Variants in OCM observed in about 807,000 individuals in gnomAD.
The protein encoded by OCM is oncomodulin-1.
A neutral mutation model predicts 14.1 loss-of-function variants in OCM; 18 were observed. That is an observed-to-expected ratio of 1.28 (90% CI 0.88 to 1.89). The LOEUF (loss-of-function observed/expected upper bound fraction) is 1.89, where lower values mean the gene tolerates loss of function less well. Among genes scored for constraint, OCM ranks in the 40% most tolerant of loss-of-function variants. The pLI is 0.00. For synonymous variants in OCM, 48 were observed against 51.0 expected, an observed-to-expected ratio of 0.94 and a Z score of 0.25; for missense variants, 140 against 137.6, an observed-to-expected ratio of 1.02 and a Z score of -0.09.
chr7:5,882,143 T>G (rs1349253724), intron 1 of OCM, among the ~76,000 whole-genome samples: 1 of 147,136 alleles, frequency 6.8e-6, no homozygotes, highest in African/African-American at 2.5e-5. Context: ...TTTAGCCTGT[T>G]GAAATCCAGT....
chr7:5,879,570 A>G (rs1418877360), upstream of OCM, among the ~76,000 whole-genome samples: 1 of 152,036 alleles, frequency 6.6e-6, no homozygotes, highest in Admixed American at 6.6e-5. Context: ...AGCACCCTGT[A>G]TGTGTTTGTC....
Position 5,884,019 on chromosome 7 carries a change from T to A in OCM, c.304+20T>A, listed in dbSNP as rs1562531174. On this transcript the variant is annotated intron_variant, in intron 3 of 3. Transcript: ENST00000242104. ...CAGAGGGTATGTCCACACGTGTACG[T>A]AGCATAAAACACTCTAGCTCAGGAA... 1 of 1,610,402 alleles carries A rather than the reference T, an allele frequency of 6.2e-7. No homozygotes were observed. The highest frequency in any genetic ancestry group is 8.5e-7 in the Non-Finnish European group (1 of 1,177,764).
chr7:5,876,282 G>C (rs1205826628), upstream of OCM, among the ~76,000 whole-genome samples: 1 of 152,162 alleles, frequency 6.6e-6, no homozygotes, highest in African/African-American at 2.4e-5. Context: ...GGGATTACAG[G>C]CGTGCGCCAC....
At chr7:5,870,437 C>T in the OCM span, among the ~76,000 whole-genome samples, 1 of 152,200 alleles carries the variant, frequency 6.6e-6, no homozygotes, top group Non-Finnish European at 1.5e-5. Flanking sequence ...TATGCATTCT[C>T]ATAGCATCCT....
chr7:5,865,312 C>T, the OCM span, among the ~76,000 whole-genome samples: 1 of 152,166 alleles, frequency 6.6e-6, no homozygotes, highest in Non-Finnish European at 1.5e-5. Context: ...AAAACCAGGA[C>T]ATGCTGAATT....
the OCM span, among the ~76,000 whole-genome samples, chr7:5,866,717 G>A: frequency 1.3e-5 from 2 of 152,276 alleles, no homozygotes; most frequent in East Asian, 3.9e-4. Context: ...TTACTGATAT[G>A]TGGTGGATAC....
the OCM span, among the ~76,000 whole-genome samples, chr7:5,866,157 A>AC: frequency 1.6e-3 from 247 of 150,550 alleles, 1 homozygote; most frequent in Middle Eastern, 3.4e-3. Flanking sequence ...CCCAGTCTCT[A>AC]CAAAAAAAAA....
chr7:5,864,536 C>G, the OCM span, among the ~76,000 whole-genome samples: 1 of 151,998 alleles, frequency 6.6e-6, no homozygotes, highest in Non-Finnish European at 1.5e-5. Context: ...TTAGTAAAAG[C>G]TCAACTTTTT....
At chr7:5,885,504 C>T (rs1781312498) in intron 3 of OCM, among the ~76,000 whole-genome samples, 1 of 151,920 alleles carries the variant, frequency 6.6e-6, no homozygotes, top group Non-Finnish European at 1.5e-5. Context: ...ACCTCTATTG[C>T]AAAGCTGAAG....
chr7:5,876,765 A>G (rs1218401321), upstream of OCM, among the ~76,000 whole-genome samples: 1 of 151,408 alleles, frequency 6.6e-6, no homozygotes, highest in African/African-American at 2.4e-5. Flanking sequence ...CCCAGGAAAG[A>G]GTCTGAGGTC....
chr7:5,871,471 C>G, the OCM span, among the ~76,000 whole-genome samples: 1 of 152,120 alleles, frequency 6.6e-6, no homozygotes, highest in Admixed American at 6.6e-5. Flanking sequence ...CTTGAGCCAT[C>G]TCACCCTGCC....
the OCM span, among the ~76,000 whole-genome samples, chr7:5,860,365 C>CAT: frequency 5.4e-3 from 746 of 137,268 alleles, 5 homozygotes; most frequent in African/African-American, 9.7e-3. Flanking sequence ...TATATATATG[C>CAT]ATATATATAT....
the OCM span, among the ~76,000 whole-genome samples, chr7:5,867,539 A>G: frequency 1.3e-4 from 19 of 151,850 alleles, no homozygotes; most frequent in African/African-American, 3.6e-4. Context: ...CTTTCATCCA[A>G]TGTGGAAAAT....
the OCM span, among the ~76,000 whole-genome samples, chr7:5,871,532 AGTT>A: frequency 1.3e-5 from 2 of 151,914 alleles, no homozygotes; most frequent in Non-Finnish European, 2.9e-5. Context: ...AATATTTCAG[AGTT>A]GTTGCCATGG....
chr7:5,860,080 C>A, the OCM span, among the ~76,000 whole-genome samples: 1 of 151,958 alleles, frequency 6.6e-6, no homozygotes, highest in African/African-American at 2.4e-5. Flanking sequence ...AGAGAACCCA[C>A]ATCATGGACA....
chr7:5,877,728 G>C (rs1034117621), upstream of OCM, among the ~76,000 whole-genome samples: 1 of 143,884 alleles, frequency 7.0e-6, no homozygotes, highest in Non-Finnish European at 1.5e-5. Context: ...GCTGAGGCAG[G>C]AGAATTGCTT....
At chr7:5,881,257 G>T (rs190174265) in intron 1 of OCM, among the ~76,000 whole-genome samples, 6 of 150,936 alleles carry the variant, frequency 4.0e-5, no homozygotes, top group Admixed American at 2.7e-4. Context: ...GGCAGAAGTT[G>T]CAGTGAGCTG....
At chr7:5,859,926 G>A in the OCM span, among the ~76,000 whole-genome samples, 1 of 151,912 alleles carries the variant, frequency 6.6e-6, no homozygotes, top group Non-Finnish European at 1.5e-5. Context: ...GATCTTAGGT[G>A]ATCCACCTGC....
chr7:5,876,836 G>A (rs80167317), upstream of OCM, among the ~76,000 whole-genome samples: 2 of 131,518 alleles, frequency 1.5e-5, no homozygotes, highest in South Asian at 2.3e-4. Context: ...ATGGAGTTTT[G>A]CTCTTGTGGC....
Sources: allele counts gnomAD v4.1 joint callset (sites outside exome capture counted in the v4.1 genomes callset), GRCh38; gene constraint gnomAD v4.1.1; transcripts MANE v1.5; gene names NCBI Gene and HGNC (gene_info 2026-07-23, HGNC 2026-07-21).